C8orf34: variants seen among roughly 807,000 people sequenced by gnomAD.
C8orf34 encodes the protein uncharacterized protein C8orf34.
Under a neutral mutation model 68.3 loss-of-function variants are expected in C8orf34, and 65 were observed. The ratio of observed to expected loss-of-function variants is 0.95; its 90% CI spans 0.78 to 1.17. The LOEUF (loss-of-function observed/expected upper bound fraction) is 1.17, where lower values mean the gene tolerates loss of function less well. Among genes scored for constraint, C8orf34 ranks in the 50% most tolerant of loss-of-function variants. C8orf34 has a pLI of 0.00. For missense variants in C8orf34, 664 were observed against 655.4 expected (o/e 1.01, Z -0.14); for synonymous variants, 244 against 241.2 (o/e 1.01, Z -0.11).
intron 7 of C8orf34, among the ~76,000 whole-genome samples, chr8:68,632,356 A>T (rs978790638): frequency 6.6e-6 from 1 of 152,178 alleles, no homozygotes; most frequent in African/African-American, 2.4e-5. Flanking sequence ...GCATTCAAGA[A>T]GTGACCTGGC....
At chr8:68,629,271 A>C (rs1750139674) in intron 7 of C8orf34, among the ~76,000 whole-genome samples, 1 of 152,172 alleles carries the variant, frequency 6.6e-6, no homozygotes, top group African/African-American at 2.4e-5. Context: ...TATATCTTGA[A>C]GATAGCTGTA....
intron 7 of C8orf34, among the ~76,000 whole-genome samples, chr8:68,537,097 T>C (rs1815509622): frequency 2.0e-5 from 3 of 152,102 alleles, no homozygotes. Flanking sequence ...GTTTTTTAAA[T>C]TGGAGGCTTC....
At chr8:68,769,855 G>T (rs1486874308) in intron 10 of C8orf34, among the ~76,000 whole-genome samples, 2 of 152,190 alleles carry the variant, frequency 1.3e-5, no homozygotes, top group Non-Finnish European at 2.9e-5. Flanking sequence ...CAGTTAAGTA[G>T]AAAAGATGTA....
intron 5 of C8orf34, among the ~76,000 whole-genome samples, chr8:68,521,496 T>C (rs1032732080): frequency 6.6e-6 from 1 of 152,150 alleles, no homozygotes; most frequent in African/African-American, 2.4e-5. Flanking sequence ...CCGCCCTGTT[T>C]ACAACACACT....
intron 3 of C8orf34, among the ~76,000 whole-genome samples, chr8:68,464,417 A>G (rs1454585992): frequency 1.3e-4 from 20 of 152,066 alleles, no homozygotes; most frequent in Middle Eastern, 3.4e-3. Context: ...TCAAGCTACC[A>G]ATGACTTTCT....
intron 4 of C8orf34, among the ~76,000 whole-genome samples, chr8:68,484,868 T>C (rs748905007): frequency 2.6e-5 from 4 of 152,162 alleles, no homozygotes; most frequent in Non-Finnish European, 5.9e-5. Flanking sequence ...TTACAGATAA[T>C]AGAGTGGAGA....
Position 68,772,018 on chromosome 8 carries a change from T to G in C8orf34, c.1405-4381T>G, listed in dbSNP as rs779610145. On this transcript the variant is annotated intron_variant, in intron 10 of 13. Transcript: ENST00000518698. The stretch of plus-strand genomic sequence containing the variant: ...TATGGAAAAAATGATGGGTGAAGTT[T>G]TATGGGCCCCTTGGGTTAGAAATGC... Among the ~76,000 whole-genome samples, 81 of 152,174 alleles carry G rather than the reference T, an allele frequency of 5.3e-4. 2 individuals carry two copies. The highest frequency in any genetic ancestry group is 2.1e-4 in the Non-Finnish European group (14 of 68,024).
chr8:68,776,567 G>T, intron 11 of C8orf34, 118 bp downstream of exon 11: 1 of 720,636 alleles, frequency 1.4e-6, no homozygotes, highest in Non-Finnish European at 2.3e-6. Flanking sequence ...GTGTTCAATG[G>T]TCATGTCCAC....
At chr8:68,777,217 T>C (rs759904998) in intron 11 of C8orf34, among the ~76,000 whole-genome samples, 20 of 152,308 alleles carry the variant, frequency 1.3e-4, no homozygotes, top group Non-Finnish European at 2.5e-4. Context: ...AGTGGATCTG[T>C]GGGTGATAGG....
In C8orf34 at chr8:68,331,178, G is replaced by A. The variant is rs1434439187; in HGVS notation, c.166G>A (p.Gly56Ser). The A allele has an allele frequency of 3.9e-6, 6 of 1,532,660 alleles. No homozygotes were observed. Among genetic ancestry groups the A allele is most frequent in the East Asian group, 2.5e-5 (1 of 40,730 alleles). The allele number at this position is 1,532,660 out of a possible 1,614,324, so 94.9% of individuals were successfully genotyped here. ...GQPRLRSSCP[G>S]PSPGKRRVVP... Reference sequence around the variant, plus strand: ...GCCGAGGCTCCGGAGCTCCTGTCCCGGCCCCAGTCCGGGTAAAAGGAGGGT... The same window carrying A: ...GCCGAGGCTCCGGAGCTCCTGTCCCAGCCCCAGTCCGGGTAAAAGGAGGGT... The change falls in exon 1 of 14, where the codon GGC (glycine) becomes AGC (serine). Residue 56 changes from glycine (G) to serine (S), a missense_variant. By Grantham distance (56) the Gly-to-Ser change is moderately conservative (BLOSUM62 0). Coordinates refer to ENST00000518698, the MANE Select transcript of C8orf34 (RefSeq NM_052958.4).
chr8:68,408,858 G>A (rs1056441491), intron 1 of C8orf34, among the ~76,000 whole-genome samples: 3 of 151,952 alleles, frequency 2.0e-5, no homozygotes, highest in African/African-American at 4.8e-5. Context: ...GTGCAATCTC[G>A]GTTCACTGCA....
chr8:68,768,611 C>G (rs1373931553), intron 10 of C8orf34, among the ~76,000 whole-genome samples: 1 of 151,978 alleles, frequency 6.6e-6, no homozygotes, highest in African/African-American at 2.4e-5. Flanking sequence ...TGTTTTATTC[C>G]ATATTACATG....
intron 3 of C8orf34, among the ~76,000 whole-genome samples, chr8:68,458,109 C>T (rs1289912163): frequency 6.6e-6 from 1 of 152,098 alleles, no homozygotes. Flanking sequence ...ATAAGTTAGG[C>T]AAGATTTATT....
chr8:68,515,695 T>C (rs977571240), intron 5 of C8orf34, among the ~76,000 whole-genome samples: 5 of 152,222 alleles, frequency 3.3e-5, no homozygotes, highest in African/African-American at 1.2e-4. Context: ...ACTAGTAAGA[T>C]GCAGATGGTT....
chr8:68,776,250 G>T, intron 10 of C8orf34, 149 bp from the exon 11 acceptor site: 1 of 630,168 alleles, frequency 1.6e-6, no homozygotes. Context: ...TAAGAAGTTG[G>T]CAAACTAACA....
At chr8:68,389,768 T>G (rs2129620561) in intron 1 of C8orf34, among the ~76,000 whole-genome samples, 1 of 152,214 alleles carries the variant, frequency 6.6e-6, no homozygotes, top group Admixed American at 6.5e-5. Context: ...ATGAGATGAT[T>G]TGACGATTTC....
intron 7 of C8orf34, among the ~76,000 whole-genome samples, chr8:68,584,339 T>C (rs1817147235): frequency 6.6e-6 from 1 of 152,010 alleles, no homozygotes; most frequent in African/African-American, 2.4e-5. Context: ...AGAATGACTA[T>C]AAACAAGGAG....
At chr8:68,685,005 T>C (rs778251006) in intron 8 of C8orf34, among the ~76,000 whole-genome samples, 23 of 152,092 alleles carry the variant, frequency 1.5e-4, no homozygotes, top group Non-Finnish European at 2.5e-4. Flanking sequence ...AATTAGAACA[T>C]AATCTTTACA....
intron 11 of C8orf34, among the ~76,000 whole-genome samples, chr8:68,780,320 T>C (rs1308888981): frequency 6.6e-6 from 1 of 152,176 alleles, no homozygotes; most frequent in Non-Finnish European, 1.5e-5. Flanking sequence ...TTGTTTTTTT[T>C]CCTAAGTCTT....
Sources: gnomAD v4.1 joint callset for allele counts (sites outside exome capture counted in the v4.1 genomes callset) on GRCh38, gnomAD v4.1.1 for gene constraint, MANE v1.5 for transcripts, NCBI Gene and HGNC (gene_info 2026-07-23, HGNC 2026-07-21) for gene names.